The following ASTN2 variants were observed in gnomAD, a reference collection of about 807,000 sequenced individuals.
The protein encoded by ASTN2 is astrotactin 2, also known as astrotactin-2.
ASTN2 carries 54 observed loss-of-function variants against 139.8 expected under a neutral mutation model. The ratio of observed to expected loss-of-function variants is 0.39; its 90% CI spans 0.31 to 0.48. ASTN2 has a LOEUF of 0.48. Ranked by LOEUF, ASTN2 falls within the 20% of genes least tolerant of loss-of-function variation. The pLI, the probability that ASTN2 is intolerant of heterozygous loss-of-function variation, is 0.95. For synonymous variants in ASTN2, 756 were observed against 719.5 expected (o/e 1.05, Z -0.81); for missense variants, 1,565 against 1,725.1 (o/e 0.91, Z 1.64).
At chr9:117,191,869 G>C (rs1003318083) in intron 3 of ASTN2, among the ~76,000 whole-genome samples, 1 of 152,182 alleles carries the variant, frequency 6.6e-6, no homozygotes, top group Non-Finnish European at 1.5e-5. Context: ...GAATGTGCAA[G>C]GGTCCCCAGA....
rs138273412 is a variant in ASTN2, at chr9:116,660,463, C to T, written c.2807-8670G>A. ...CTTAACCTCTCTAAGCCTCCATTTC[C>T]TCATCTGTAAAATGCTAATAATTTT... On this transcript the variant is annotated intron_variant, in intron 16 of 22. Coordinates refer to ENST00000313400, the MANE Select transcript of ASTN2 (RefSeq NM_001365068.1). Among the ~76,000 whole-genome samples, 658 of 152,232 alleles carry T rather than the reference C, an allele frequency of 4.3e-3. 2 individuals are homozygous for T. The highest frequency in any genetic ancestry group is 0.02 in the Middle Eastern group (6 of 294).
At chr9:117,351,941 G>A (rs1035114653) in intron 1 of ASTN2, among the ~76,000 whole-genome samples, 2 of 152,150 alleles carry the variant, frequency 1.3e-5, no homozygotes, top group African/African-American at 2.4e-5. Flanking sequence ...TTTATTAAAT[G>A]TCCTCATCGT....
intron 2 of ASTN2, among the ~76,000 whole-genome samples, chr9:117,285,982 C>T (rs766658723): frequency 2.6e-5 from 4 of 152,142 alleles, no homozygotes; most frequent in African/African-American, 4.8e-5. Flanking sequence ...AAAACAAAAG[C>T]GCCAAGATAA....
intron 13 of ASTN2, among the ~76,000 whole-genome samples, chr9:116,792,280 C>T (rs1182833378): frequency 1.3e-5 from 2 of 152,238 alleles, no homozygotes; most frequent in Non-Finnish European, 2.9e-5. Flanking sequence ...TTTGTTTCAG[C>T]GCTTAAGAAT....
At chr9:116,545,289 T>C (rs1411643425) in intron 19 of ASTN2, among the ~76,000 whole-genome samples, 1 of 152,174 alleles carries the variant, frequency 6.6e-6, no homozygotes, top group Non-Finnish European at 1.5e-5. Context: ...TTACACATGG[T>C]CCTAAAATGT....
chr9:116,579,677 T>C (rs1330380318), intron 19 of ASTN2, among the ~76,000 whole-genome samples: 2 of 152,098 alleles, frequency 1.3e-5, no homozygotes, highest in Non-Finnish European at 2.9e-5. Flanking sequence ...GCCCAGGAAT[T>C]TGAGACCAGA....
intron 19 of ASTN2, among the ~76,000 whole-genome samples, chr9:116,555,628 T>A (rs745615320): frequency 5.3e-5 from 8 of 150,036 alleles, no homozygotes; most frequent in Non-Finnish European, 7.4e-5. Flanking sequence ...CTGAAGTCAC[T>A]GACAGAAAGG....
At chr9:116,874,009 G>C (rs1204985840) in intron 10 of ASTN2, among the ~76,000 whole-genome samples, 1 of 152,154 alleles carries the variant, frequency 6.6e-6, no homozygotes, top group African/African-American at 2.4e-5. Context: ...TTATAGCAAT[G>C]CAGAAACAAA....
chr9:116,492,200 G>C (rs1186389861), intron 19 of ASTN2, among the ~76,000 whole-genome samples: 2 of 151,596 alleles, frequency 1.3e-5, no homozygotes, highest in Non-Finnish European at 2.9e-5. Context: ...TCCTGCCTCA[G>C]CCTCCCGAGT....
intron 3 of ASTN2, among the ~76,000 whole-genome samples, chr9:117,193,798 C>T (rs1006205657): frequency 1.3e-5 from 2 of 152,330 alleles, no homozygotes; most frequent in East Asian, 1.9e-4. Flanking sequence ...CTTCCCCTTG[C>T]CCTGCACGTG....
At chr9:116,817,457 G>T (rs924821111) in intron 12 of ASTN2, among the ~76,000 whole-genome samples, 1 of 152,156 alleles carries the variant, frequency 6.6e-6, no homozygotes, top group Non-Finnish European at 1.5e-5. Context: ...GGGACAAATG[G>T]GAGTCAGTGG....
At chr9:117,334,614 T>TGC in intron 1 of ASTN2, among the ~76,000 whole-genome samples, 1 of 152,132 alleles carries the variant, frequency 6.6e-6, no homozygotes, top group East Asian at 1.9e-4. Context: ...TAAATGCCTT[T>TGC]TACACACCAG....
At chr9:117,214,823 A>G in intron 2 of ASTN2, 81 bp from the exon 3 acceptor site, 1 of 1,337,164 alleles carries the variant, frequency 7.5e-7, no homozygotes, top group Non-Finnish European at 9.6e-7. Flanking sequence ...TGTCCACTAC[A>G]CTCTGCCAGG....
chr9:116,890,989 A>G (rs564982220), intron 10 of ASTN2, among the ~76,000 whole-genome samples: 1 of 152,212 alleles, frequency 6.6e-6, no homozygotes, highest in Admixed American at 6.5e-5. Flanking sequence ...TCACATCAAC[A>G]AGGCAATTCT....
At chr9:117,160,982 C>T (rs1830537876) in intron 3 of ASTN2, among the ~76,000 whole-genome samples, 1 of 151,908 alleles carries the variant, frequency 6.6e-6, no homozygotes, top group African/African-American at 2.4e-5. Flanking sequence ...CAAATGGTCC[C>T]TCAACTTGAA....
chr9:116,753,373 T>TTA (rs1829449529), intron 13 of ASTN2, among the ~76,000 whole-genome samples: 1 of 152,242 alleles, frequency 6.6e-6, no homozygotes, highest in East Asian at 1.9e-4. Flanking sequence ...GAGGAACAAG[T>TTA]GGAGCACAGG....
intron 5 of ASTN2, among the ~76,000 whole-genome samples, chr9:117,074,718 G>A (rs373362154): frequency 5.3e-5 from 8 of 152,120 alleles, no homozygotes; most frequent in South Asian, 4.1e-4. Flanking sequence ...ACTAAGGGCT[G>A]TGTATACAAT....
At chr9:117,261,495 C>T (rs10983589) in intron 2 of ASTN2, among the ~76,000 whole-genome samples, 19,545 of 152,098 alleles carry the variant, frequency 0.13, 1,909 homozygotes, top group African/African-American at 0.26. Context: ...GGTGTTATCT[C>T]TATCAGCAAA....
chr9:117,238,145 G>A lies in ASTN2; in HGVS notation c.631-23403C>T, dbSNP rs528942058. 1.0e-3 allele frequency among the ~76,000 whole-genome samples: 157 copies of A among 152,282 alleles called. 1 individual carries two copies. Among genetic ancestry groups the A allele is most frequent in the South Asian group, 5.4e-3 (26 of 4,816 alleles). On this transcript the variant is annotated intron_variant, in intron 2 of 22. Transcript: ENST00000313400. ...TAATGATACCCCTGCTCCTTGTGGC[G>A]GGAAGGAAGGAAGGGCAAAGACCCA...
Sources: allele counts gnomAD v4.1 joint callset (sites outside exome capture counted in the v4.1 genomes callset), GRCh38; gene constraint gnomAD v4.1.1; transcripts MANE v1.5; gene names NCBI Gene and HGNC (gene_info 2026-07-23, HGNC 2026-07-21).